Variants in DPYSL2 observed in about 807,000 individuals in gnomAD.
DPYSL2 encodes the protein dihydropyrimidinase like 2.
In DPYSL2, 13 loss-of-function variants were observed where a neutral mutation model predicts 69.9. That is an observed-to-expected ratio of 0.19 (90% CI 0.12 to 0.30). The LOEUF is 0.30. Ranked by LOEUF, DPYSL2 falls within the 10% of genes least tolerant of loss-of-function variation. DPYSL2 has a pLI of 1.00. For missense variants in DPYSL2, 587 were observed against 918.9 expected (o/e 0.64, Z 4.67); for synonymous variants, 326 against 359.1 (o/e 0.91, Z 1.04).
intron 1 of DPYSL2, among the ~76,000 whole-genome samples, chr8:26,550,073 C>T (rs758744410): frequency 2.6e-5 from 4 of 151,982 alleles, no homozygotes; most frequent in Non-Finnish European, 5.9e-5. Flanking sequence ...TCCAAAATAA[C>T]AATAGAAACA....
Position 26,641,689 on chromosome 8 carries a change from T to C in DPYSL2, c.1127-1750T>C, listed in dbSNP as rs1031347338. On this transcript the variant is annotated intron_variant, in intron 8 of 13. Coordinates refer to ENST00000521913, the MANE Select transcript of DPYSL2 (RefSeq NM_001197293.3). The surrounding 1 kb of genome is among the most constrained non-coding windows in gnomAD (Gnocchi z 4.1). ...GACCCTCCTAGGCCTTCCGAGCACC[T>C]AGCACTGGCCCTTTTCTTCCTTGGG... Among the ~76,000 whole-genome samples, 3 of 152,194 alleles carry C rather than the reference T, an allele frequency of 2.0e-5. No homozygotes were observed. Among genetic ancestry groups the C allele is most frequent in the African/African-American group, 7.2e-5 (3 of 41,462 alleles).
Position 26,514,314 on chromosome 8 carries a change from AG to A in DPYSL2, c.-11del. Reference sequence around the variant, plus strand: ...GGACGGACGGCGAGGACCCTACCCGAGCCCCCGAGCCATGGCCGAGAGAAAG... The same window carrying A: ...GGACGGACGGCGAGGACCCTACCCGACCCCCGAGCCATGGCCGAGAGAAAG... On this transcript the variant is annotated 5_prime_UTR_variant, in exon 1 of 14. Transcript: ENST00000521913. The surrounding 1 kb of genome is among the most constrained non-coding windows in gnomAD (Gnocchi z 8.4). The A allele has an allele frequency of 1.4e-6, 2 of 1,439,388 alleles. No individual in the cohort carries two copies. The highest frequency in any genetic ancestry group is 1.8e-6 in the Non-Finnish European group (2 of 1,098,188). 89.2% of individuals were successfully genotyped at this position (1,439,388 alleles called of 1,614,324 possible).
In DPYSL2 at chr8:26,653,620, A is replaced by G. The variant is rs1012981192; in HGVS notation, c.1942+223A>G. The stretch of plus-strand genomic sequence containing the variant: ...GTTACCCAGACTGGAGTGCAATGGC[A>G]CGACCTTGGCTCACTGCAACCTCCA... On this transcript the variant is annotated intron_variant, in intron 13 of 13. Coordinates refer to ENST00000521913, the MANE Select transcript of DPYSL2 (RefSeq NM_001197293.3). This position sits in a 1 kb window ranked among gnomAD's most constrained non-coding sequence, Gnocchi z 5.7. Among the ~76,000 whole-genome samples, 15 of 152,064 alleles carry G rather than the reference A, an allele frequency of 9.9e-5. No homozygotes were observed. The highest frequency in any genetic ancestry group is 3.6e-4 in the African/African-American group (15 of 41,394).
At chr8:26,532,320 G>T (rs777043573) in intron 1 of DPYSL2, among the ~76,000 whole-genome samples, 1 of 152,162 alleles carries the variant, frequency 6.6e-6, no homozygotes, top group Non-Finnish European at 1.5e-5. Flanking sequence ...AAGGGCAAGT[G>T]GTAGCAGGGT....
At chr8:26,559,471 A>G (rs1333605064) in intron 1 of DPYSL2, among the ~76,000 whole-genome samples, 2 of 152,224 alleles carry the variant, frequency 1.3e-5, no homozygotes, top group Non-Finnish European at 2.9e-5. Context: ...AGTATTTTCA[A>G]TCTTTTCAGC....
intron 1 of DPYSL2, among the ~76,000 whole-genome samples, chr8:26,524,896 C>A (rs1250315138): frequency 2.1e-5 from 3 of 142,116 alleles, no homozygotes; most frequent in Non-Finnish European, 4.5e-5. Flanking sequence ...GTTGTTGGAG[C>A]TATTTCCCAA....
At chr8:26,536,164 T>C (rs1800589696) in intron 1 of DPYSL2, among the ~76,000 whole-genome samples, 2 of 150,668 alleles carry the variant, frequency 1.3e-5, no homozygotes, top group African/African-American at 4.9e-5. Flanking sequence ...AGTCTTGAAC[T>C]CCTGGGCTCA....
chr8:26,527,396 G>C (rs983539466), intron 1 of DPYSL2, among the ~76,000 whole-genome samples: 6 of 152,154 alleles, frequency 3.9e-5, no homozygotes, highest in African/African-American at 1.4e-4. Context: ...TTGTGGTGTA[G>C]TAATTTTTCG....
intron 8 of DPYSL2, among the ~76,000 whole-genome samples, chr8:26,635,225 A>G (rs1169016485): frequency 6.6e-6 from 1 of 152,256 alleles, no homozygotes; most frequent in Non-Finnish European, 1.5e-5. Context: ...AGATTACGTC[A>G]GTTTCCATCC....
intron 1 of DPYSL2, among the ~76,000 whole-genome samples, chr8:26,569,082 C>T (rs954601878): frequency 3.3e-5 from 5 of 152,050 alleles, no homozygotes; most frequent in Admixed American, 6.5e-5. Flanking sequence ...GAAGTCTAGG[C>T]GTGAGGGCCC....
chr8:26,653,184 A>C lies in DPYSL2; in HGVS notation c.1777-48A>C, dbSNP rs1405880610. ...CCTCCAGGAGGGTTTCTAGAGAGGT[A>C]TCCTCTGTGGCTGTGGCCTGAGCTG... On this transcript the variant is annotated intron_variant, in intron 12 of 13. Coordinates refer to ENST00000521913, the MANE Select transcript of DPYSL2 (RefSeq NM_001197293.3). The surrounding 1 kb of genome is among the most constrained non-coding windows in gnomAD (Gnocchi z 5.7). The C allele has an allele frequency of 7.5e-6, 12 of 1,593,592 alleles. No homozygotes were observed. The highest frequency in any genetic ancestry group is 9.4e-6 in the Non-Finnish European group (11 of 1,168,214).
In DPYSL2 at chr8:26,560,615, A is replaced by G. The variant is rs1801056126; in HGVS notation, c.355-21354A>G. Among the ~76,000 whole-genome samples the G allele has an allele frequency of 6.6e-6, 1 of 152,130 alleles. No homozygotes were observed. Among genetic ancestry groups the G allele is most frequent in the African/African-American group, 2.4e-5 (1 of 41,428 alleles). On this transcript the variant is annotated intron_variant, in intron 1 of 13. Coordinates refer to ENST00000521913, the MANE Select transcript of DPYSL2 (RefSeq NM_001197293.3). The surrounding 1 kb of genome is among the most constrained non-coding windows in gnomAD (Gnocchi z 4.4). ...AGCAGAAATAATGGGTCTTGGTGAT[A>G]CCCAATATCTCACTTGAACCAGGTT...
intron 1 of DPYSL2, among the ~76,000 whole-genome samples, chr8:26,556,088 C>A: frequency 1.9e-5 from 1 of 52,628 alleles, no homozygotes; most frequent in Non-Finnish European, 3.4e-5. Context: ...ATAGTATATA[C>A]TATATAAATT....
chr8:26,596,911 C>A (rs534197211), intron 3 of DPYSL2, among the ~76,000 whole-genome samples: 2 of 152,216 alleles, frequency 1.3e-5, no homozygotes, highest in South Asian at 4.1e-4. Context: ...ATCCCAGACA[C>A]AGCACCCACC....
rs1365265277 is a variant in DPYSL2, at chr8:26,533,824, A to G, written c.354+19145A>G. Among the ~76,000 whole-genome samples the G allele has an allele frequency of 6.6e-6, 1 of 152,248 alleles. No individual in the cohort carries two copies. Among genetic ancestry groups the G allele is most frequent in the Non-Finnish European group, 1.5e-5 (1 of 68,040 alleles). On this transcript the variant is annotated intron_variant, in intron 1 of 13. Transcript: ENST00000521913. This position sits in a 1 kb window ranked among gnomAD's most constrained non-coding sequence, Gnocchi z 4.8. ...GAAGAATTGAGGCTTGCAAGAAGTG[A>G]CGTGCTGCTGCGGTGGCAGGGACTG...
chr8:26,622,633 G>T (rs2129898548), intron 3 of DPYSL2, among the ~76,000 whole-genome samples: 1 of 152,206 alleles, frequency 6.6e-6, no homozygotes, highest in South Asian at 2.1e-4. Context: ...CTCCCAAGTA[G>T]CTGGGACTAC....
chr8:26,558,218 A>G (rs1801020546), intron 1 of DPYSL2, among the ~76,000 whole-genome samples: 1 of 152,184 alleles, frequency 6.6e-6, no homozygotes, highest in Non-Finnish European at 1.5e-5. Flanking sequence ...TGAATGGATA[A>G]ACAACCTGTG....
chr8:26,574,680 C>G (rs780100301), intron 1 of DPYSL2, among the ~76,000 whole-genome samples: 19 of 152,180 alleles, frequency 1.2e-4, no homozygotes, highest in Admixed American at 2.0e-4. Flanking sequence ...ATTAGATTCA[C>G]AAATAATAAT....
At chr8:26,529,522 C>T (rs1344635607) in intron 1 of DPYSL2, among the ~76,000 whole-genome samples, 1 of 151,668 alleles carries the variant, frequency 6.6e-6, no homozygotes, top group Non-Finnish European at 1.5e-5. Flanking sequence ...TCATTTTGTT[C>T]TCCAGGCTGG....
Sources: gnomAD v4.1 joint callset for allele counts (sites outside exome capture counted in the v4.1 genomes callset) on GRCh38, gnomAD v4.1.1 for gene constraint, Gnocchi (gnomAD v3.1) non-coding constraint, MANE v1.5 for transcripts, NCBI Gene and HGNC (gene_info 2026-07-23, HGNC 2026-07-21) for gene names.